SEMA5A: variants seen among roughly 807,000 people sequenced by gnomAD.
SEMA5A encodes semaphorin-5A.
In SEMA5A, 55 loss-of-function variants were observed where a neutral mutation model predicts 135.5. The ratio of observed to expected loss-of-function variants is 0.41; its 90% CI spans 0.33 to 0.51. The LOEUF (loss-of-function observed/expected upper bound fraction) is 0.51. Ranked by LOEUF, SEMA5A falls within the 20% of genes least tolerant of loss-of-function variation. SEMA5A has a pLI of 0.37. For synonymous variants in SEMA5A, 580 were observed against 546.5 expected, an observed-to-expected ratio of 1.06 and a Z score of -0.85; for missense variants, 1,290 against 1,419.9, an observed-to-expected ratio of 0.91 and a Z score of 1.47.
chr5:9,080,215 G>T (rs113485550), intron 16 of SEMA5A, among the ~76,000 whole-genome samples: 2 of 152,234 alleles, frequency 1.3e-5, no homozygotes, highest in African/African-American at 2.4e-5. Flanking sequence ...ATACTATGCA[G>T]CCATAAAAAA....
chr5:9,390,619 T>C (rs1167287091), intron 2 of SEMA5A, among the ~76,000 whole-genome samples: 1 of 152,026 alleles, frequency 6.6e-6, no homozygotes. Context: ...TTAAATCCAA[T>C]GGATTAGACA....
At chr5:9,248,560 A>AAG (rs1403039584) in intron 5 of SEMA5A, among the ~76,000 whole-genome samples, 1 of 151,446 alleles carries the variant, frequency 6.6e-6, no homozygotes, top group Non-Finnish European at 1.5e-5. Flanking sequence ...ATACGGCAAA[A>AAG]AAAAAAAAGA....
intron 11 of SEMA5A, among the ~76,000 whole-genome samples, chr5:9,173,791 C>A (rs1744058147): frequency 6.6e-6 from 1 of 152,200 alleles, no homozygotes; most frequent in African/African-American, 2.4e-5. Flanking sequence ...ATGTCCTCAG[C>A]TTCTCCAAGG....
intron 21 of SEMA5A, 133 bp downstream of exon 21, chr5:9,050,277 C>T: frequency 2.7e-6 from 2 of 751,658 alleles, no homozygotes; most frequent in Non-Finnish European, 4.2e-6. Context: ...AGGTAGAATG[C>T]CTGGGATCCA....
intron 8 of SEMA5A, among the ~76,000 whole-genome samples, chr5:9,215,310 A>G (rs1746555622): frequency 6.6e-6 from 1 of 152,172 alleles, no homozygotes; most frequent in African/African-American, 2.4e-5. Flanking sequence ...ACAGTTGAGT[A>G]TTTCTTCCTT....
chr5:9,344,075 A>C (rs1753760735), intron 3 of SEMA5A, among the ~76,000 whole-genome samples: 1 of 152,206 alleles, frequency 6.6e-6, no homozygotes, highest in Non-Finnish European at 1.5e-5. Context: ...CTGCTGAAAA[A>C]CATACATATC....
chr5:9,495,728 T>G (rs1188489616), intron 1 of SEMA5A, among the ~76,000 whole-genome samples: 1 of 152,246 alleles, frequency 6.6e-6, no homozygotes, highest in African/African-American at 2.4e-5. Context: ...AAACCCATTT[T>G]CTTTACATTT....
rs145299714 is a variant in SEMA5A, at chr5:9,353,060, G to GAAGGAAAGGA, written c.125-15258_125-15249dup. On this transcript the variant is annotated intron_variant, in intron 3 of 22. Transcript: ENST00000382496. Reference sequence around the variant, plus strand: ...AAAAGAAGAAGGAAGGAAAGGAAAGGAAGGAAAGGAAAGGAAAGGAAAGGA... The same window carrying GAAGGAAAGGA: ...AAAAGAAGAAGGAAGGAAAGGAAAGGAAGGAAAGGAAAGGAAAGGAAAGGAAAGGAAAGGA... 1.2e-3 allele frequency among the ~76,000 whole-genome samples: 45 copies of GAAGGAAAGGA among 36,530 alleles called. 5 individuals carry two copies. The highest frequency in any genetic ancestry group is 3.6e-3 in the South Asian group (3 of 844). The allele number at this position is 36,530 out of a possible 152,430, so 24.0% of individuals were successfully genotyped here. A position where few individuals can be genotyped will look rare whatever the true frequency, so the allele number is the denominator to read the frequency against.
chr5:9,237,423 T>C (rs1747968500), intron 6 of SEMA5A, among the ~76,000 whole-genome samples: 1 of 152,222 alleles, frequency 6.6e-6, no homozygotes, highest in Non-Finnish European at 1.5e-5. Flanking sequence ...ATAAAGAATC[T>C]ATCACAAATA....
intron 11 of SEMA5A, among the ~76,000 whole-genome samples, chr5:9,162,420 G>GTA (rs1302752535): frequency 6.8e-6 from 1 of 146,328 alleles, no homozygotes; most frequent in East Asian, 2.1e-4. Context: ...ATATGTGTGT[G>GTA]TATATATATG....
chr5:9,281,026 A>C (rs936586975), intron 5 of SEMA5A, among the ~76,000 whole-genome samples: 1 of 152,202 alleles, frequency 6.6e-6, no homozygotes, highest in Admixed American at 6.5e-5. Context: ...TAACCCTATG[A>C]GTTACAAACC....
chr5:9,145,792 C>T (rs887997384), intron 12 of SEMA5A, among the ~76,000 whole-genome samples: 2 of 144,500 alleles, frequency 1.4e-5, no homozygotes, highest in African/African-American at 2.5e-5. Flanking sequence ...GCGCCTGCCA[C>T]CACATCCAGC....
chr5:9,416,964 T>G (rs892194465), intron 2 of SEMA5A, among the ~76,000 whole-genome samples: 9 of 152,280 alleles, frequency 5.9e-5, no homozygotes, highest in African/African-American at 1.9e-4. Flanking sequence ...AGCATTATGT[T>G]CTGTAAGTAG....
intron 2 of SEMA5A, among the ~76,000 whole-genome samples, chr5:9,394,257 T>C (rs1337254873): frequency 6.6e-6 from 1 of 152,074 alleles, no homozygotes; most frequent in Admixed American, 6.5e-5. Context: ...CACTCCCCCA[T>C]GTCCATTTTA....
intron 13 of SEMA5A, among the ~76,000 whole-genome samples, chr5:9,126,653 G>A (rs886979813): frequency 1.3e-5 from 2 of 152,098 alleles, no homozygotes. Flanking sequence ...TCAGAGGCTA[G>A]GGGTTTTTGA....
rs1561266853 is a variant in SEMA5A at position 9,455,266 on chromosome 5, T to TA, written c.-174-17415_-174-17414insT. 6.2e-4 allele frequency among the ~76,000 whole-genome samples: 94 copies of TA among 151,674 alleles called. 1 individual carries two copies. Among genetic ancestry groups the TA allele is most frequent in the Admixed American group, 6.2e-3 (94 of 15,232 alleles). On this transcript the variant is annotated intron_variant, in intron 1 of 22. Coordinates refer to ENST00000382496, the MANE Select transcript of SEMA5A (RefSeq NM_003966.3). ...TTTATTTTATTTATTTATTTTTTTT[T>TA]TTTTTTTGAGACAGAATCTCACTCT...
chr5:9,044,377 A>G lies in SEMA5A; in HGVS notation c.3101T>C (p.Ile1034Thr). Residue 1034 changes from isoleucine (I) to threonine (T), a missense_variant, in exon 22 of 23, where the codon ATC becomes ACC. Around this residue, in one of 3 missense-constraint regions of SEMA5A, gnomAD observed 1,029 missense variants for 1,086.6 expected, o/e 0.95. Transcript: ENST00000382496. The part of the protein sequence containing the change: ...KLDKYDSVEA[I>T]KAFNKNNLIL... ...GAAATATTAAAATTCACTTACCTTGATGGCCTCCACCGAGTCGTACTTGTC... is the reference window on the plus strand; with the variant it reads ...GAAATATTAAAATTCACTTACCTTGGTGGCCTCCACCGAGTCGTACTTGTC... The G allele has an allele frequency of 6.2e-7, 1 of 1,612,648 alleles. No homozygotes were observed. The highest frequency in any genetic ancestry group is 8.5e-7 in the Non-Finnish European group (1 of 1,179,412).
intron 5 of SEMA5A, among the ~76,000 whole-genome samples, chr5:9,253,553 CA>C (rs1748910562): frequency 1.3e-5 from 2 of 152,162 alleles, no homozygotes; most frequent in African/African-American, 2.4e-5. Flanking sequence ...TATCAGTCTT[CA>C]TAACCATTTT....
intron 5 of SEMA5A, among the ~76,000 whole-genome samples, chr5:9,275,465 C>G (rs1302035414): frequency 1.3e-5 from 2 of 152,096 alleles, no homozygotes; most frequent in African/African-American, 4.8e-5. Flanking sequence ...AGAGGGAATC[C>G]TCCCTAACTC....
Sources: gnomAD v4.1 joint callset for allele counts (sites outside exome capture counted in the v4.1 genomes callset) on GRCh38, gnomAD v4.1.1 for gene constraint, gnomAD v4.1.1 regional missense constraint, MANE v1.5 for transcripts, NCBI Gene and HGNC (gene_info 2026-07-23, HGNC 2026-07-21) for gene names.